PPARGC1A: variants seen among roughly 807,000 people sequenced by gnomAD.
PPARGC1A encodes peroxisome proliferator-activated receptor gamma coactivator 1-alpha.
In PPARGC1A, 25 loss-of-function variants were observed where a neutral mutation model predicts 88.7. That is an observed-to-expected ratio of 0.28 (90% CI 0.21 to 0.39). The LOEUF is 0.39. PPARGC1A is among the 10% of genes least tolerant of loss of function. The pLI is 1.00. For missense variants in PPARGC1A, 880 were observed against 968.7 expected (o/e 0.91, Z 1.22); for synonymous variants, 363 against 355.6 (o/e 1.02, Z -0.24).
chr4:24,171,402 C>G, the PPARGC1A span, among the ~76,000 whole-genome samples: 1 of 151,278 alleles, frequency 6.6e-6, no homozygotes, highest in Non-Finnish European at 1.5e-5. Flanking sequence ...GAGACTCCAT[C>G]TCAAAAAAAA....
the PPARGC1A span, among the ~76,000 whole-genome samples, chr4:24,117,997 T>G: frequency 6.6e-6 from 1 of 152,156 alleles, no homozygotes; most frequent in Non-Finnish European, 1.5e-5. Context: ...AACAGCTGTG[T>G]TAGGCCAACC....
the PPARGC1A span, among the ~76,000 whole-genome samples, chr4:24,029,358 T>C: frequency 1.3e-5 from 2 of 152,196 alleles, no homozygotes; most frequent in Non-Finnish European, 2.9e-5. Flanking sequence ...CATTATCCTA[T>C]TTTCCCTATA....
the PPARGC1A span, among the ~76,000 whole-genome samples, chr4:23,937,355 G>A: frequency 1.3e-5 from 2 of 152,052 alleles, no homozygotes; most frequent in Non-Finnish European, 2.9e-5. Context: ...TGCTGATCCC[G>A]TCTGTACCAG....
chr4:23,997,214 T>G, the PPARGC1A span, among the ~76,000 whole-genome samples: 3 of 152,318 alleles, frequency 2.0e-5, no homozygotes, highest in Non-Finnish European at 2.9e-5. Context: ...GTAAGCTTCA[T>G]GTCTTTTTTT....
the PPARGC1A span, among the ~76,000 whole-genome samples, chr4:23,999,047 T>G: frequency 6.6e-6 from 1 of 152,240 alleles, no homozygotes; most frequent in Non-Finnish European, 1.5e-5. Flanking sequence ...AACAAGGAAC[T>G]CTGGAGATTC....
chr4:23,800,306 C>T (rs1718434674), intron 12 of PPARGC1A, among the ~76,000 whole-genome samples: 1 of 151,908 alleles, frequency 6.6e-6, no homozygotes, highest in Non-Finnish European at 1.5e-5. Flanking sequence ...TTTCCTTCCT[C>T]AAAGAATTTA....
At position 23,807,972 on chromosome 4, in the gene PPARGC1A, T is replaced by C. The variant is rs532414411; in HGVS notation, c.2019+4775A>G. The stretch of plus-strand genomic sequence containing the variant: ...TTAAAGAGGCTTGCATAGAAAGCTA[T>C]TTCATTTTCTCCAAAAAAGAATAAC... On this transcript the variant is annotated intron_variant, in intron 10 of 12. Coordinates refer to ENST00000264867, the MANE Select transcript of PPARGC1A (RefSeq NM_013261.5). Among the ~76,000 whole-genome samples the C allele has an allele frequency of 1.7e-3, 263 of 152,180 alleles. 1 individual carries two copies. The highest frequency in any genetic ancestry group is 5.8e-3 in the African/African-American group (242 of 41,508).
the PPARGC1A span, among the ~76,000 whole-genome samples, chr4:24,315,903 T>C: frequency 5.1e-4 from 77 of 152,278 alleles, 1 homozygote; most frequent in South Asian, 0.015. Context: ...ATGGGACAGA[T>C]CTAAAGGTTC....
chr4:23,814,629 A>AG, intron 7 of PPARGC1A, 24 bp from the exon 8 acceptor site: 2 of 1,482,682 alleles, frequency 1.3e-6, no homozygotes, highest in Non-Finnish European at 1.8e-6. Context: ...TAAAAAAAAA[A>AG]AAAAAAAGAG....
chr4:24,231,582 A>G, the PPARGC1A span, among the ~76,000 whole-genome samples: 6 of 152,088 alleles, frequency 3.9e-5, no homozygotes, highest in Non-Finnish European at 8.8e-5. Flanking sequence ...CGGAAGGGCA[A>G]CTCTAATCCT....
chr4:24,180,313 T>C, the PPARGC1A span, among the ~76,000 whole-genome samples: 1 of 152,212 alleles, frequency 6.6e-6, no homozygotes, highest in African/African-American at 2.4e-5. Flanking sequence ...GACTCACATT[T>C]TTTACTTTGC....
chr4:24,200,654 G>GAAAAAAAAAAAAAAAAAAAA, the PPARGC1A span, among the ~76,000 whole-genome samples: 1 of 5,346 alleles, frequency 1.9e-4, no homozygotes, highest in Non-Finnish European at 7.4e-4. Flanking sequence ...TATTTATTAA[G>GAAAAAAAAAAAAAAAAAAAA]CAAAAAAAAA....
chr4:23,847,918 G>A (rs2148650850), intron 2 of PPARGC1A, among the ~76,000 whole-genome samples: 1 of 152,260 alleles, frequency 6.6e-6, no homozygotes, highest in African/African-American at 2.4e-5. Flanking sequence ...GAACCCCAGA[G>A]TGTGTTTGTG....
chr4:24,196,017 G>T, the PPARGC1A span, among the ~76,000 whole-genome samples: 1 of 152,220 alleles, frequency 6.6e-6, no homozygotes, highest in Non-Finnish European at 1.5e-5. Context: ...TCCAAAAGAG[G>T]CCATGGGGTT....
the PPARGC1A span, among the ~76,000 whole-genome samples, chr4:23,975,550 T>C: frequency 6.6e-6 from 1 of 152,170 alleles, no homozygotes; most frequent in Non-Finnish European, 1.5e-5. Context: ...CCCAAGTAGC[T>C]GGGATTACAG....
chr4:24,334,276 T>C, the PPARGC1A span, among the ~76,000 whole-genome samples: 104 of 152,310 alleles, frequency 6.8e-4, 1 homozygote, highest in African/African-American at 2.4e-3. Flanking sequence ...AACAATCCTT[T>C]CCCATTTTAT....
the PPARGC1A span, among the ~76,000 whole-genome samples, chr4:24,376,306 G>A: frequency 4.6e-5 from 7 of 152,188 alleles, no homozygotes; most frequent in African/African-American, 1.7e-4. Flanking sequence ...TGGAGCAAAT[G>A]ATACTTCGGC....
the PPARGC1A span, among the ~76,000 whole-genome samples, chr4:23,910,954 C>G: frequency 6.6e-6 from 1 of 151,916 alleles, no homozygotes; most frequent in Non-Finnish European, 1.5e-5. Context: ...CCTCAACCCC[C>G]ACCCAAACTG....
the PPARGC1A span, among the ~76,000 whole-genome samples, chr4:24,466,886 C>CAAAA: frequency 4.4e-5 from 3 of 68,292 alleles, no homozygotes; most frequent in South Asian, 1.3e-3. Flanking sequence ...TGCACACCAG[C>CAAAA]AAAAAAAAAA....
Sources: gnomAD v4.1 joint callset for allele counts (sites outside exome capture counted in the v4.1 genomes callset) on GRCh38, gnomAD v4.1.1 for gene constraint, MANE v1.5 for transcripts, NCBI Gene and HGNC (gene_info 2026-07-23, HGNC 2026-07-21) for gene names.